SRGAP2: variants seen among roughly 807,000 people sequenced by gnomAD.
SRGAP2 encodes SLIT-ROBO Rho GTPase activating protein 2, also known as SLIT-ROBO Rho GTPase-activating protein 2.
Under a neutral mutation model 57.2 loss-of-function variants are expected in SRGAP2, and 15 were observed. The ratio of observed to expected loss-of-function variants is 0.26; its 90% confidence interval spans 0.18 to 0.40. The LOEUF (loss-of-function observed/expected upper bound fraction) is 0.40, where lower values mean the gene tolerates loss of function less well. Ranked by LOEUF, SRGAP2 falls within the 10% of genes least tolerant of loss-of-function variation. The probability of loss-of-function intolerance (pLI) is 1.00; values close to 1 mark genes in which losing one functional copy is unlikely to be tolerated. For synonymous variants in SRGAP2, 249 were observed against 248.0 expected (o/e 1.00, Z -0.04); for missense variants, 520 against 669.6 (o/e 0.78, Z 2.47).
At chr1:206,317,963 G>A (rs1203316187) in intron 3 of SRGAP2, among the ~76,000 whole-genome samples, 1 of 150,478 alleles carries the variant, frequency 6.6e-6, no homozygotes, top group Non-Finnish European at 1.5e-5. Context: ...ACAGTAGGAT[G>A]CTGAGCTGTG....
chr1:206,430,029 A>T (rs1661154446), intron 13 of SRGAP2, 133 bp from the exon 14 acceptor site: 5 of 673,930 alleles, frequency 7.4e-6, no homozygotes, highest in African/African-American at 1.8e-5. Flanking sequence ...AACTTGGAGG[A>T]CAGGCCAGGT....
rs1238459674 is a variant in SRGAP2 at position 206,241,753 on chromosome 1, G to A, written c.67+35716G>A. ...ATTTGATGGGAGGGAAAGTCTTCTC[G>A]AACCTATGTCAGAATATTCCGCTTT... is the stretch of plus-strand genomic sequence containing the variant. On this transcript the variant is annotated intron_variant, in intron 2 of 22. Transcript: ENST00000573034. Among the ~76,000 whole-genome samples, 21 of 149,526 alleles carry A rather than the reference G, an allele frequency of 1.4e-4. No homozygotes were observed. The South Asian group carries it at 4.5e-3, about 32-fold the overall frequency.
In SRGAP2 at chr1:206,267,966, T is replaced by C. The variant is rs546977810; in HGVS notation, c.68-35315T>C. On this transcript the variant is annotated intron_variant, in intron 2 of 22. Coordinates refer to ENST00000573034, the MANE Select transcript of SRGAP2 (RefSeq NM_015326.5). The stretch of plus-strand genomic sequence containing the variant: ...TAAGGAAAATAACATACAAATAAAA[T>C]TCTCTACAGTGTGAAAATATCCTTT... Among the ~76,000 whole-genome samples the C allele has an allele frequency of 3.4e-3, 505 of 149,402 alleles. 6 individuals are homozygous for C. Among genetic ancestry groups the C allele is most frequent in the Admixed American group, 0.014 (204 of 15,050 alleles).
intron 13 of SRGAP2, among the ~76,000 whole-genome samples, chr1:206,422,533 C>G (rs116533240): frequency 0.013 from 1,912 of 152,298 alleles, 24 homozygotes; most frequent in South Asian, 0.027. Flanking sequence ...AGGTGCATAT[C>G]TTGCAGAGGG....
chr1:206,431,289 G>A (rs782278546), intron 14 of SRGAP2, among the ~76,000 whole-genome samples: 1 of 152,180 alleles, frequency 6.6e-6, no homozygotes, highest in Non-Finnish European at 1.5e-5. Context: ...TCAATGCTGG[G>A]TACCATGCAT....
rs571278848 is a variant in SRGAP2, at chr1:206,266,181, T to TA, written c.68-37094dup. ...AACTCAAAGAAGGCATTCTTTTTATTAAAAAATATGGGAAAGGAAACAGAC... is the reference window on the plus strand; with the variant it reads ...AACTCAAAGAAGGCATTCTTTTTATTAAAAAAATATGGGAAAGGAAACAGAC... On this transcript the variant is annotated intron_variant, in intron 2 of 22. Transcript: ENST00000573034. Among the ~76,000 whole-genome samples the TA allele has an allele frequency of 2.3e-3, 344 of 149,318 alleles. 2 individuals carry two copies. The highest frequency in any genetic ancestry group is 8.0e-3 in the African/African-American group (325 of 40,696).
chr1:206,318,817 G>T (rs1298525774), intron 3 of SRGAP2, among the ~76,000 whole-genome samples: 1 of 151,998 alleles, frequency 6.6e-6, no homozygotes, highest in Non-Finnish European at 1.5e-5. Context: ...CACAGAGATG[G>T]TGCTAAACCA....
In SRGAP2 at chr1:206,319,814, T is replaced by G. The variant is rs1382331722; in HGVS notation, c.260+16341T>G. 2.7e-4 allele frequency among the ~76,000 whole-genome samples: 39 copies of G among 142,552 alleles called. 1 individual carries two copies. Among genetic ancestry groups the G allele is most frequent in the Middle Eastern group, 3.4e-3 (1 of 292 alleles). 93.5% of individuals were successfully genotyped at this position (142,552 alleles called of 152,430 possible). On this transcript the variant is annotated intron_variant, in intron 3 of 22. Coordinates refer to ENST00000573034, the MANE Select transcript of SRGAP2 (RefSeq NM_015326.5). ...TGTACAATTTTTTGTTGTTGTTGTT[T>G]TTTGTTTTTTGCGATGGAGTCTCTC...
intron 19 of SRGAP2, 146 bp from the exon 20 acceptor site, chr1:206,453,054 A>G (rs1224869494): frequency 9.3e-6 from 4 of 428,622 alleles, no homozygotes; most frequent in Non-Finnish European, 1.7e-5. Context: ...CGTGAGAATT[A>G]CTTGCTTTAT....
chr1:206,445,577 G>T (rs1039221317), intron 17 of SRGAP2, among the ~76,000 whole-genome samples: 1 of 152,198 alleles, frequency 6.6e-6, no homozygotes. Flanking sequence ...GGCTAGAAAG[G>T]AATATCCCTA....
intron 2 of SRGAP2, among the ~76,000 whole-genome samples, chr1:206,296,599 T>TA (rs1433937265): frequency 1.3e-5 from 2 of 151,580 alleles, no homozygotes; most frequent in African/African-American, 2.4e-5. Flanking sequence ...CCAGCTAACT[T>TA]AAAAAAAAAT....
At chr1:206,438,900 G>C (rs1558434209) in intron 16 of SRGAP2, among the ~76,000 whole-genome samples, 1 of 152,140 alleles carries the variant, frequency 6.6e-6, no homozygotes, top group Admixed American at 6.5e-5. Context: ...CTGAGTACTT[G>C]TCCCTCTCTG....
At chr1:206,346,282 TAA>T (rs1160515574) in intron 4 of SRGAP2, among the ~76,000 whole-genome samples, 1 of 152,068 alleles carries the variant, frequency 6.6e-6, no homozygotes, top group African/African-American at 2.4e-5. Flanking sequence ...CCCTAAACTT[TAA>T]AAAAAGAGTG....
chr1:206,460,100 C>T (rs1260426568), intron 22 of SRGAP2, among the ~76,000 whole-genome samples: 1 of 152,198 alleles, frequency 6.6e-6, no homozygotes, highest in African/African-American at 2.4e-5. Context: ...GAACAGAAAG[C>T]ATGCATCGGT....
intron 2 of SRGAP2, among the ~76,000 whole-genome samples, chr1:206,279,927 A>T (rs1315376550): frequency 1.6e-4 from 25 of 151,590 alleles, no homozygotes; most frequent in African/African-American, 5.1e-4. Flanking sequence ...GAGGCATTTC[A>T]TTTCATTGGC....
intron 2 of SRGAP2, among the ~76,000 whole-genome samples, chr1:206,293,040 C>G (rs1456227341): frequency 6.6e-6 from 1 of 152,206 alleles, no homozygotes; most frequent in Non-Finnish European, 1.5e-5. Flanking sequence ...AGTAAACTCT[C>G]CAGAGCCAGC....
chr1:206,334,888 T>G (rs1674660361), intron 3 of SRGAP2, among the ~76,000 whole-genome samples: 1 of 150,268 alleles, frequency 6.7e-6, no homozygotes, highest in African/African-American at 2.5e-5. Flanking sequence ...GTGCTATAAT[T>G]ACTTATAGGG....
Position 206,301,094 on chromosome 1 carries a change from C to T in SRGAP2, c.68-2187C>T, listed in dbSNP as rs1420551926. ...TCGCCCAGGCTGGAGTGCAGTGGTG[C>T]GATCTCTGCTCAGTGCAAGCTCCGC... On this transcript the variant is annotated intron_variant, in intron 2 of 22. Transcript: ENST00000573034. 4.5e-4 allele frequency among the ~76,000 whole-genome samples: 69 copies of T among 152,252 alleles called. 1 individual carries two copies. The South Asian group carries it at 8.9e-3, about 20-fold the overall frequency.
intron 3 of SRGAP2, among the ~76,000 whole-genome samples, chr1:206,309,692 C>T (rs1239103099): frequency 1.3e-5 from 2 of 151,872 alleles, no homozygotes; most frequent in Admixed American, 1.3e-4. Flanking sequence ...CTACTTTGAA[C>T]GTTTTGGGTG....
Sources: gnomAD v4.1 joint callset for allele counts (sites outside exome capture counted in the v4.1 genomes callset) on GRCh38, gnomAD v4.1.1 for gene constraint, MANE v1.5 for transcripts, NCBI Gene and HGNC (gene_info 2026-07-23, HGNC 2026-07-21) for gene names.